The following SMOC1 variants were observed in gnomAD, a reference collection of about 807,000 sequenced individuals.
SMOC1 encodes the protein SPARC-related modular calcium-binding protein 1.
SMOC1 carries 22 observed loss-of-function variants against 56.3 expected under a neutral mutation model. That is an observed-to-expected ratio of 0.39 (90% confidence interval 0.28 to 0.56). The LOEUF (loss-of-function observed/expected upper bound fraction) is 0.56. Ranked by LOEUF, SMOC1 falls within the 20% of genes least tolerant of loss-of-function variation. The pLI is 0.61. For missense variants in SMOC1, 509 were observed against 565.4 expected, an observed-to-expected ratio of 0.90 and a Z score of 1.01; for synonymous variants, 193 against 215.0, an observed-to-expected ratio of 0.90 and a Z score of 0.89.
intron 1 of SMOC1, among the ~76,000 whole-genome samples, chr14:69,935,217 G>GC (rs1343572296): frequency 6.6e-6 from 1 of 152,200 alleles, no homozygotes; most frequent in Non-Finnish European, 1.5e-5. Context: ...TTTAGATCTG[G>GC]CATGGGGAAT....
At chr14:70,010,703 G>T (rs748032675) in intron 7 of SMOC1, 51 bp from the exon 8 acceptor site, 2 of 1,592,326 alleles carry the variant, frequency 1.3e-6, no homozygotes, top group South Asian at 2.2e-5. Context: ...GAAGACAGGA[G>T]TGTTAAATCA....
intron 11 of SMOC1, among the ~76,000 whole-genome samples, chr14:70,027,842 A>G (rs1885989298): frequency 6.6e-6 from 1 of 152,200 alleles, no homozygotes; most frequent in Non-Finnish European, 1.5e-5. Flanking sequence ...CGGTAGAGGA[A>G]CATGTCCGGG....
chr14:69,959,304 G>A (rs545409230), intron 3 of SMOC1, among the ~76,000 whole-genome samples: 2 of 152,226 alleles, frequency 1.3e-5, no homozygotes, highest in African/African-American at 2.4e-5. Flanking sequence ...GCTCTCTATT[G>A]TGTCAAAAGG....
At chr14:69,995,138 C>G (rs961450560) in intron 7 of SMOC1, among the ~76,000 whole-genome samples, 8 of 152,176 alleles carry the variant, frequency 5.3e-5, no homozygotes. Flanking sequence ...CTTCATTATG[C>G]GAAATACCAC....
At chr14:69,906,984 A>G (rs953506303) in intron 1 of SMOC1, among the ~76,000 whole-genome samples, 1 of 152,220 alleles carries the variant, frequency 6.6e-6, no homozygotes, top group African/African-American at 2.4e-5. Context: ...AAAAGGTTGG[A>G]GATGCAGCAG....
At chr14:69,881,440 C>T (rs1282779732) in intron 1 of SMOC1, among the ~76,000 whole-genome samples, 1 of 152,096 alleles carries the variant, frequency 6.6e-6, no homozygotes. Context: ...GCTCTCCTTC[C>T]TGGCCTCCTG....
chr14:70,002,948 A>G (rs778535650), intron 7 of SMOC1, among the ~76,000 whole-genome samples: 20 of 152,086 alleles, frequency 1.3e-4, no homozygotes, highest in Non-Finnish European at 1.8e-4. Flanking sequence ...ACCTGGTCCT[A>G]TCTTTCTCTC....
At chr14:69,948,395 G>A (rs1341406671) in intron 1 of SMOC1, among the ~76,000 whole-genome samples, 2 of 152,176 alleles carry the variant, frequency 1.3e-5, no homozygotes, top group African/African-American at 2.4e-5. Flanking sequence ...GTGCTCTTCT[G>A]AAGCTGAGAA....
At chr14:69,889,834 A>G (rs547299103) in intron 1 of SMOC1, among the ~76,000 whole-genome samples, 29 of 151,964 alleles carry the variant, frequency 1.9e-4, no homozygotes, top group Non-Finnish European at 3.2e-4. Context: ...GGCCCCTTCC[A>G]CCTTTAAAGC....
At chr14:69,916,763 C>T (rs1026921497) in intron 1 of SMOC1, among the ~76,000 whole-genome samples, 2 of 152,178 alleles carry the variant, frequency 1.3e-5, no homozygotes, top group Non-Finnish European at 2.9e-5. Flanking sequence ...TAAGAACTGC[C>T]ATCTTCACCC....
chr14:69,969,374 G>C (rs1883678860), intron 3 of SMOC1, among the ~76,000 whole-genome samples: 1 of 152,166 alleles, frequency 6.6e-6, no homozygotes, highest in Admixed American at 6.6e-5. Context: ...TCCGCTTCTG[G>C]AAAGGCCTCA....
At chr14:69,917,286 G>A (rs1426787172) in intron 1 of SMOC1, among the ~76,000 whole-genome samples, 2 of 152,170 alleles carry the variant, frequency 1.3e-5, no homozygotes, top group African/African-American at 4.8e-5. Flanking sequence ...AACATTCAGG[G>A]GTTCTTAGAC....
At chr14:69,951,027 G>A (rs1882977116) in intron 1 of SMOC1, among the ~76,000 whole-genome samples, 1 of 152,160 alleles carries the variant, frequency 6.6e-6, no homozygotes. Context: ...GCTGGGACTA[G>A]ACTCACCTGA....
Position 69,952,182 on chromosome 14 carries a change from C to A in SMOC1, c.144C>A (p.Ser48=). 6.2e-7 allele frequency: 1 copy of A among 1,614,178 alleles called. No individual in the cohort carries two copies. Among genetic ancestry groups the A allele is most frequent in the Non-Finnish European group, 8.5e-7 (1 of 1,180,008 alleles). ...DRDPQCNLHC[S]RTQPKPICAS... ...ACCCACAGTGCAACCTCCACTGCTC[C>A]AGGACTCAACCCAAACCCATCTGTG... The change falls in exon 2 of 12, where the codon TCC becomes TCA. Residue 48 remains serine (S), a synonymous_variant. Transcript: ENST00000361956.
chr14:69,972,928 G>A (rs140778138), intron 3 of SMOC1, among the ~76,000 whole-genome samples: 17 of 152,276 alleles, frequency 1.1e-4, no homozygotes, highest in African/African-American at 2.9e-4. Flanking sequence ...ACACAGCCTC[G>A]GGCGATGGAC....
At chr14:69,930,065 G>A (rs1361863882) in intron 1 of SMOC1, among the ~76,000 whole-genome samples, 1 of 151,294 alleles carries the variant, frequency 6.6e-6, no homozygotes, top group Non-Finnish European at 1.5e-5. Context: ...CCACTTCAGA[G>A]ATGGGCTGTG....
chr14:70,007,575 G>C (rs533423766), intron 7 of SMOC1, among the ~76,000 whole-genome samples: 1 of 152,362 alleles, frequency 6.6e-6, no homozygotes, highest in East Asian at 1.9e-4. Context: ...AGAGCTCACT[G>C]TAAAAATAAA....
chr14:69,962,633 G>C (rs1883425632), intron 3 of SMOC1, among the ~76,000 whole-genome samples: 2 of 151,958 alleles, frequency 1.3e-5, no homozygotes, highest in Admixed American at 1.3e-4. Flanking sequence ...CTGGAGTGTG[G>C]TGGTACCATC....
intron 1 of SMOC1, among the ~76,000 whole-genome samples, chr14:69,923,724 G>C (rs1353315131): frequency 6.6e-6 from 1 of 152,204 alleles, no homozygotes; most frequent in African/African-American, 2.4e-5. Context: ...TGTGGTCTCA[G>C]TTGGGTTTTC....
Sources: gnomAD v4.1 joint callset for allele counts (sites outside exome capture counted in the v4.1 genomes callset) on GRCh38, gnomAD v4.1.1 for gene constraint, MANE v1.5 for transcripts, NCBI Gene and HGNC (gene_info 2026-07-23, HGNC 2026-07-21) for gene names.